Variants in WDR20 observed in about 807,000 individuals in gnomAD.
The protein encoded by WDR20 is WD repeat domain 20.
Under a neutral mutation model 38.7 loss-of-function variants are expected in WDR20, and 3 were observed. That is an observed-to-expected ratio of 0.08 (90% CI 0.04 to 0.20). The LOEUF (loss-of-function observed/expected upper bound fraction) is 0.20. Among genes scored for constraint, WDR20 ranks in the 10% least tolerant of loss-of-function variants. The pLI, the probability that WDR20 is intolerant of heterozygous loss-of-function variation, is 1.00. For missense variants in WDR20, 559 were observed against 727.7 expected, an observed-to-expected ratio of 0.77 and a Z score of 2.67; for synonymous variants, 298 against 285.6, an observed-to-expected ratio of 1.04 and a Z score of -0.44.
At chr14:102,214,896 TTGTCAC>T (rs2063028879), downstream of WDR20, 2 of 985,024 alleles carry the variant, frequency 2.0e-6, no homozygotes, top group South Asian at 4.7e-5. Flanking sequence ...AGCTGTTGCC[TTGTCAC>T]TGTCACAGCT....
chr14:102,180,519 C>T (rs1407968758), intron 1 of WDR20, among the ~76,000 whole-genome samples: 2 of 152,140 alleles, frequency 1.3e-5, no homozygotes, highest in Non-Finnish European at 2.9e-5. Context: ...ACTTAGCCTC[C>T]GGAGTAGCTG....
downstream of WDR20, chr14:102,224,489 A>G (rs1047814433): frequency 3.8e-5 from 16 of 424,068 alleles, no homozygotes; most frequent in East Asian, 9.9e-4. Flanking sequence ...AAAAAATCAT[A>G]TACAACTGGA....
rs377323403 is a variant in WDR20, at chr14:102,176,128, C to T, written c.250-18810C>T. Among the ~76,000 whole-genome samples the T allele has an allele frequency of 5.0e-4, 76 of 152,312 alleles. 1 individual carries two copies. In the South Asian group the frequency reaches 0.013, roughly 25 times the overall value. ...TGAAAGTCAGGGCTGGAAACGGTGG[C>T]TCACGCCTGTAATCTCAGCACTTTG... On this transcript the variant is annotated intron_variant, in intron 1 of 2. Coordinates refer to ENST00000342702, the MANE Select transcript of WDR20 (RefSeq NM_144574.4).
At chr14:102,183,936 G>A (rs775985444) in intron 1 of WDR20, among the ~76,000 whole-genome samples, 14 of 152,154 alleles carry the variant, frequency 9.2e-5, no homozygotes, top group Non-Finnish European at 1.9e-4. Flanking sequence ...CTTTCAGAAA[G>A]GCATAGAATT....
intron 1 of WDR20, among the ~76,000 whole-genome samples, chr14:102,182,376 T>C (rs1266477020): frequency 6.6e-6 from 1 of 152,188 alleles, no homozygotes; most frequent in Non-Finnish European, 1.5e-5. Context: ...TTGGCTTCTT[T>C]AAATAATTTT....
upstream of WDR20, chr14:102,139,635 G>A (rs541100503): frequency 3.1e-6 from 2 of 643,048 alleles, no homozygotes; most frequent in East Asian, 5.5e-5. Flanking sequence ...GACCCCACTA[G>A]CTGAAGCCGG....
At chr14:102,144,026 A>AT (rs79779753) in intron 1 of WDR20, among the ~76,000 whole-genome samples, 3 of 142,056 alleles carry the variant, frequency 2.1e-5, no homozygotes, top group African/African-American at 7.8e-5. Flanking sequence ...AAAAATAATA[A>AT]AAAAAAAATT....
At chr14:102,160,509 AATG>A (rs2058386959) in intron 1 of WDR20, among the ~76,000 whole-genome samples, 1 of 152,120 alleles carries the variant, frequency 6.6e-6, no homozygotes. Context: ...TTTTCTGCTT[AATG>A]ATCTATATTG....
intron 1 of WDR20, among the ~76,000 whole-genome samples, chr14:102,181,401 A>G (rs1198192344): frequency 6.6e-6 from 1 of 151,948 alleles, no homozygotes; most frequent in East Asian, 1.9e-4. Flanking sequence ...CTCCGAGTTG[A>G]GCTGCTGTGT....
In WDR20 at chr14:102,221,911, C is replaced by A; in HGVS notation, c.1693-919C>A. On this transcript the variant is annotated intron_variant, in intron 3 of 3. Coordinates refer to the WDR20 transcript ENST00000335263. The surrounding 1 kb of genome is among the most constrained non-coding windows in gnomAD (Gnocchi z 4.8). ...GAGCTGAAAATGTGCACCTTTGGGG[C>A]TGCACTGTCGCCATCTTAATGTTCT... Among the ~76,000 whole-genome samples the A allele has an allele frequency of 6.6e-6, 1 of 152,182 alleles. No individual in the cohort carries two copies. The highest frequency in any genetic ancestry group is 1.9e-4 in the East Asian group (1 of 5,204).
chr14:102,215,187 G>A (rs895415942), downstream of WDR20, among the ~76,000 whole-genome samples: 6 of 152,322 alleles, frequency 3.9e-5, no homozygotes, highest in East Asian at 7.7e-4. Context: ...CAGCGTACTC[G>A]ATGAAATGTT....
At position 102,209,911 on chromosome 14, in the gene WDR20, A is replaced by G; in HGVS notation, c.*31A>G. ...CACCAGATCTAGAACTTGAATAGGT[A>G]GTGACTTTTTTCTTTTTCGTGGGAG... On this transcript the variant is annotated 3_prime_UTR_variant, in exon 3 of 3. Coordinates refer to ENST00000342702, the MANE Select transcript of WDR20 (RefSeq NM_144574.4). The surrounding 1 kb of genome is among the most constrained non-coding windows in gnomAD (Gnocchi z 6.0). 2 of 1,555,080 alleles carry G rather than the reference A, an allele frequency of 1.3e-6. No homozygotes were observed. Among genetic ancestry groups the G allele is most frequent in the Middle Eastern group, 1.7e-4 (1 of 5,780 alleles).
At chr14:102,160,874 G>C (rs2058475224) in intron 1 of WDR20, among the ~76,000 whole-genome samples, 1 of 146,336 alleles carries the variant, frequency 6.8e-6, no homozygotes, top group African/African-American at 2.5e-5. Flanking sequence ...CGTGAACCCA[G>C]CGAGTGGAGC....
intron 1 of WDR20, among the ~76,000 whole-genome samples, chr14:102,147,897 A>AT (rs757950593): frequency 1.3e-5 from 2 of 152,120 alleles, no homozygotes; most frequent in African/African-American, 2.4e-5. Flanking sequence ...CACCCAGCTA[A>AT]TTTTTGTCTT....
intron 2 of WDR20, among the ~76,000 whole-genome samples, chr14:102,203,810 A>AT (rs2060977234): frequency 6.6e-6 from 1 of 152,108 alleles, no homozygotes. Context: ...ATCATTGAGC[A>AT]CTGACTAAGA....
At chr14:102,205,847 C>T (rs751020636) in intron 2 of WDR20, among the ~76,000 whole-genome samples, 47 of 151,704 alleles carry the variant, frequency 3.1e-4, no homozygotes, top group African/African-American at 9.9e-4. Context: ...CTGGTGTGCT[C>T]AGTCCACCAT....
chr14:102,172,485 C>T (rs1367615333), intron 1 of WDR20, among the ~76,000 whole-genome samples: 6 of 149,590 alleles, frequency 4.0e-5, no homozygotes, highest in South Asian at 2.1e-4. Flanking sequence ...TAGGGGCGGC[C>T]GGGCAGAGGC....
At chr14:102,148,755 C>A (rs1185819991) in intron 1 of WDR20, among the ~76,000 whole-genome samples, 1 of 151,478 alleles carries the variant, frequency 6.6e-6, no homozygotes, top group Non-Finnish European at 1.5e-5. Flanking sequence ...GGCAGTGGCA[C>A]AATCATAGCT....
At chr14:102,165,198 A>G (rs140125159) in intron 1 of WDR20, among the ~76,000 whole-genome samples, 75 of 152,090 alleles carry the variant, frequency 4.9e-4, no homozygotes, top group African/African-American at 1.7e-3. Flanking sequence ...TTTGGGTGGA[A>G]CTGTGGCTCT....
Sources: gnomAD v4.1 joint callset for allele counts (sites outside exome capture counted in the v4.1 genomes callset) on GRCh38, gnomAD v4.1.1 for gene constraint, Gnocchi (gnomAD v3.1) non-coding constraint, MANE v1.5 for transcripts, NCBI Gene and HGNC (gene_info 2026-07-23, HGNC 2026-07-21) for gene names.